The following SH3RF2 variants were observed in gnomAD, a reference collection of about 807,000 sequenced individuals.
The protein encoded by SH3RF2 is SH3 domain containing ring finger 2.
In SH3RF2, 43 loss-of-function variants were observed where a neutral mutation model predicts 59.0. That is an observed-to-expected ratio of 0.73 (90% CI 0.57 to 0.94). The LOEUF (loss-of-function observed/expected upper bound fraction) is 0.94. SH3RF2 is among the 40% of genes least tolerant of loss of function. The pLI, the probability that SH3RF2 is intolerant of heterozygous loss-of-function variation, is 0.00. For synonymous variants in SH3RF2, 391 were observed against 391.5 expected, an observed-to-expected ratio of 1.00 and a Z score of 0.01; for missense variants, 930 against 940.1, an observed-to-expected ratio of 0.99 and a Z score of 0.14.
chr5:145,948,680 G>A (rs896973482), intron 2 of SH3RF2, among the ~76,000 whole-genome samples: 6 of 152,326 alleles, frequency 3.9e-5, no homozygotes, highest in African/African-American at 9.6e-5. Context: ...TGGGAAATTC[G>A]CCATGTGGCT....
chr5:145,964,910 T>C (rs1290783429), intron 2 of SH3RF2, among the ~76,000 whole-genome samples: 1 of 152,078 alleles, frequency 6.6e-6, no homozygotes, highest in Non-Finnish European at 1.5e-5. Flanking sequence ...AACTAGTAAC[T>C]GTAGGCCAGG....
At chr5:145,987,591 CATA>C (rs1759763972) in intron 2 of SH3RF2, among the ~76,000 whole-genome samples, 1 of 152,168 alleles carries the variant, frequency 6.6e-6, no homozygotes. Flanking sequence ...GAGGTCATAA[CATA>C]ATTCTTTTCC....
intron 7 of SH3RF2, among the ~76,000 whole-genome samples, chr5:146,054,611 T>C (rs928881130): frequency 9.9e-5 from 15 of 152,192 alleles, no homozygotes; most frequent in African/African-American, 3.6e-4. Flanking sequence ...CAGAGACAGG[T>C]TGAAGTCCCC....
intron 5 of SH3RF2, among the ~76,000 whole-genome samples, chr5:146,033,967 A>T (rs1761836516): frequency 1.3e-5 from 2 of 152,258 alleles, no homozygotes; most frequent in South Asian, 4.1e-4. Context: ...CATCCATCCC[A>T]GATGGTGTAG....
At chr5:145,963,450 A>G (rs1351680749) in intron 2 of SH3RF2, among the ~76,000 whole-genome samples, 1 of 152,194 alleles carries the variant, frequency 6.6e-6, no homozygotes, top group Non-Finnish European at 1.5e-5. Flanking sequence ...TATTTAAACA[A>G]TAACAGTAAC....
chr5:146,044,031 A>T (rs546507748), intron 5 of SH3RF2, among the ~76,000 whole-genome samples: 1 of 152,136 alleles, frequency 6.6e-6, no homozygotes, highest in Non-Finnish European at 1.5e-5. Flanking sequence ...AAAATGGCCA[A>T]TCTGTTTTCC....
intron 5 of SH3RF2, 152 bp from the exon 6 acceptor site, chr5:146,047,620 A>G (rs1248750236): frequency 2.2e-5 from 15 of 696,834 alleles, no homozygotes; most frequent in Non-Finnish European, 4.8e-6. Context: ...GCCCACAGCC[A>G]CAAACCACAG....
chr5:146,015,511 C>T (rs1761070987), intron 5 of SH3RF2, among the ~76,000 whole-genome samples: 1 of 152,086 alleles, frequency 6.6e-6, no homozygotes, highest in African/African-American at 2.4e-5. Flanking sequence ...CACAATTAAG[C>T]CAAAGAGTCA....
chr5:146,018,633 C>A (rs1039156533), intron 5 of SH3RF2, among the ~76,000 whole-genome samples: 5 of 152,032 alleles, frequency 3.3e-5, no homozygotes, highest in Admixed American at 6.5e-5. Flanking sequence ...ATAATGACTT[C>A]TTGTCCTTTG....
chr5:145,946,568 T>G, intron 2 of SH3RF2, among the ~76,000 whole-genome samples: 1 of 152,218 alleles, frequency 6.6e-6, no homozygotes, highest in East Asian at 1.9e-4. Context: ...TGAAACATTC[T>G]TGCTGTGAAT....
downstream of SH3RF2, among the ~76,000 whole-genome samples, chr5:146,065,187 G>C (rs11743846): frequency 0.33 from 49,448 of 152,024 alleles, 8,651 homozygotes; most frequent in Non-Finnish European, 0.39. Flanking sequence ...TCTGATGTTT[G>C]TGGACCCAAA....
At chr5:146,021,967 GTTATTTTAAA>G (rs1212777942) in intron 5 of SH3RF2, among the ~76,000 whole-genome samples, 1 of 152,188 alleles carries the variant, frequency 6.6e-6, no homozygotes, top group Non-Finnish European at 1.5e-5. Context: ...TGTTATTGTT[GTTATTTTAAA>G]ACTTTTTAGC....
intron 2 of SH3RF2, among the ~76,000 whole-genome samples, chr5:145,945,809 T>A (rs920250182): frequency 6.6e-6 from 1 of 152,104 alleles, no homozygotes; most frequent in South Asian, 2.1e-4. Context: ...ATGCCAGACT[T>A]GTTGCCTGCC....
chr5:146,055,064 G>T (rs1293946994), intron 7 of SH3RF2, among the ~76,000 whole-genome samples: 1 of 152,210 alleles, frequency 6.6e-6, no homozygotes, highest in Non-Finnish European at 1.5e-5. Flanking sequence ...AGGGATTGTT[G>T]TTTCATAAAA....
At chr5:146,071,925 A>G (rs1225998364) in intron 9 of SH3RF2, among the ~76,000 whole-genome samples, 1 of 152,222 alleles carries the variant, frequency 6.6e-6, no homozygotes, top group Non-Finnish European at 1.5e-5. Flanking sequence ...AGCTATTACC[A>G]TTTATTGGAT....
rs779034032 is a variant in SH3RF2, at chr5:146,062,529, C to A, written c.2018C>A (p.Ala673Glu). 10 of 1,614,072 alleles carry A rather than the reference C, an allele frequency of 6.2e-6. No homozygotes were observed. The highest frequency in any genetic ancestry group is 7.6e-6 in the Non-Finnish European group (9 of 1,180,050). ...CCTGAACAGCCAGCCACCCTCAAGG[C>A]GTCCCAGCCTGAAGCAGCGTCCTTG... ...GKPEQPATLKASQPEAASLGP... is the reference protein window; with the variant it reads ...GKPEQPATLKESQPEAASLGP... The change falls in exon 10 of 10, where the codon GCG becomes GAG. Residue 673 changes from alanine to glutamate, a missense_variant. Transcript: ENST00000359120.
At chr5:146,065,621 C>T (rs1026189148), downstream of SH3RF2, among the ~76,000 whole-genome samples, 3 of 152,192 alleles carry the variant, frequency 2.0e-5, no homozygotes, top group Admixed American at 6.5e-5. Flanking sequence ...CTGAGAGATG[C>T]AAACAACTCC....
rs563187260 is a variant in SH3RF2 at position 146,013,954 on chromosome 5, C to T, written c.952C>T (p.Arg318Cys). The T allele has an allele frequency of 1.6e-4, 260 of 1,614,086 alleles. 1 individual carries two copies. The South Asian group carries it at 2.4e-3, about 15-fold the overall frequency. ...LNRMVHSPSG[R>C]HMVEISTPVL... ...CCGGATGGTCCATTCTCCTTCAGGGCGCCATATGGTAGAGATCAGCACCCC... is the reference window on the plus strand; with the variant it reads ...CCGGATGGTCCATTCTCCTTCAGGGTGCCATATGGTAGAGATCAGCACCCC... Residue 318 changes from arginine (R) to cysteine (C), a missense_variant, in exon 5 of 10, where the codon CGC (arginine) becomes TGC (cysteine). Coordinates refer to ENST00000359120, the MANE Select transcript of SH3RF2 (RefSeq NM_152550.4).
At chr5:145,992,144 G>T (rs918350496) in intron 2 of SH3RF2, among the ~76,000 whole-genome samples, 1 of 152,120 alleles carries the variant, frequency 6.6e-6, no homozygotes, top group Non-Finnish European at 1.5e-5. Flanking sequence ...GGCCGAGGCA[G>T]GTGGATCACT....
Sources: allele counts gnomAD v4.1 joint callset (sites outside exome capture counted in the v4.1 genomes callset), GRCh38; gene constraint gnomAD v4.1.1; transcripts MANE v1.5; gene names NCBI Gene and HGNC (gene_info 2026-07-23, HGNC 2026-07-21).